MRPL3: variants seen among roughly 807,000 people sequenced by gnomAD.
MRPL3 encodes mitochondrial ribosomal protein L3.
A neutral mutation model predicts 44.3 loss-of-function variants in MRPL3; 43 were observed. That is an observed-to-expected ratio of 0.97 (90% CI 0.76 to 1.25). MRPL3 has a LOEUF of 1.25. Among genes scored for constraint, MRPL3 ranks in the 50% most tolerant of loss-of-function variants. MRPL3 has a pLI of 0.00. For missense variants in MRPL3, 406 were observed against 427.6 expected, an observed-to-expected ratio of 0.95 and a Z score of 0.45; for synonymous variants, 171 against 152.3, an observed-to-expected ratio of 1.12 and a Z score of -0.91.
At chr3:131,495,769 A>G (rs759890501) in intron 4 of MRPL3, among the ~76,000 whole-genome samples, 6 of 152,230 alleles carry the variant, frequency 3.9e-5, no homozygotes, top group Non-Finnish European at 7.3e-5. Flanking sequence ...GTAAAATAGA[A>G]TAAATTGAGC....
intron 4 of MRPL3, among the ~76,000 whole-genome samples, chr3:131,492,710 T>C (rs893094265): frequency 6.6e-6 from 1 of 152,056 alleles, no homozygotes; most frequent in Non-Finnish European, 1.5e-5. Flanking sequence ...CTGTTCTATG[T>C]AACAGCCTCC....
At chr3:131,499,552 A>G (rs889360294) in intron 3 of MRPL3, among the ~76,000 whole-genome samples, 12 of 149,030 alleles carry the variant, frequency 8.1e-5, no homozygotes, top group Admixed American at 6.6e-4. Flanking sequence ...TTCAGAGCCA[A>G]TAATAATTTG....
chr3:131,467,255 T>TAC (rs756101728), intron 9 of MRPL3, among the ~76,000 whole-genome samples: 4,060 of 129,780 alleles, frequency 0.031, 62 homozygotes, highest in South Asian at 0.058. Context: ...CACACACACA[T>TAC]ACACACACAC....
intron 6 of MRPL3, among the ~76,000 whole-genome samples, chr3:131,475,610 A>C (rs974709179): frequency 6.6e-6 from 1 of 152,252 alleles, no homozygotes; most frequent in African/African-American, 2.4e-5. Context: ...CTTCACATTA[A>C]GCCTGTGAAC....
intron 6 of MRPL3, among the ~76,000 whole-genome samples, chr3:131,482,214 C>G (rs893407772): frequency 6.6e-6 from 1 of 152,104 alleles, no homozygotes; most frequent in African/African-American, 2.4e-5. Flanking sequence ...CTCCACCCCC[C>G]TCCCCTTAAT....
At chr3:131,502,460 G>A (rs1934519497) in intron 1 of MRPL3, among the ~76,000 whole-genome samples, 1 of 152,206 alleles carries the variant, frequency 6.6e-6, no homozygotes, top group South Asian at 2.1e-4. Flanking sequence ...TTAGCAGAGC[G>A]CTTAGTACCT....
At chr3:131,494,560 TTACTATTCTAATAA>T (rs1198634755) in intron 4 of MRPL3, among the ~76,000 whole-genome samples, 21 of 152,330 alleles carry the variant, frequency 1.4e-4, no homozygotes, top group Non-Finnish European at 2.9e-4. Context: ...GGAAAATCCT[TTACTATTCTAATAA>T]TACAAAACAG....
chr3:131,469,842 A>C, intron 7 of MRPL3, 69 bp from the exon 8 acceptor site: 1 of 914,744 alleles, frequency 1.1e-6, no homozygotes, highest in Non-Finnish European at 1.7e-6. Flanking sequence ...TCAAACCACA[A>C]TGTAAACTAA....
At chr3:131,495,514 TAAATTAA>T (rs1339830009) in intron 4 of MRPL3, among the ~76,000 whole-genome samples, 1 of 152,180 alleles carries the variant, frequency 6.6e-6, no homozygotes, top group Non-Finnish European at 1.5e-5. Flanking sequence ...AAAGTTTACG[TAAATTAA>T]GTGGGTCAAA....
Position 131,462,540 on chromosome 3 carries a change from A to C in MRPL3, c.*183T>G, listed in dbSNP as rs1251880790. On this transcript the variant is annotated 3_prime_UTR_variant, in exon 10 of 10. Transcript: ENST00000264995. The stretch of plus-strand genomic sequence containing the variant: ...CCAATCTACTTAACTCATATATTTA[A>C]TGTGGTAATTTTTCTAACAAAATTT... 17 of 460,606 alleles carry C rather than the reference A, an allele frequency of 3.7e-5. No individual in the cohort carries two copies. Among genetic ancestry groups the C allele is most frequent in the Non-Finnish European group, 6.1e-5 (17 of 276,524 alleles). 28.5% of individuals were successfully genotyped at this position (460,606 alleles called of 1,614,324 possible). A position where few individuals can be genotyped will look rare whatever the true frequency, so the allele number is the denominator to read the frequency against.
chr3:131,492,503 C>T (rs1934280353), intron 4 of MRPL3, among the ~76,000 whole-genome samples: 1 of 152,166 alleles, frequency 6.6e-6, no homozygotes, highest in South Asian at 2.1e-4. Flanking sequence ...AAGGAGCATG[C>T]AACCTAGATC....
chr3:131,496,345 A>G (rs1934370626), intron 4 of MRPL3, among the ~76,000 whole-genome samples: 1 of 152,218 alleles, frequency 6.6e-6, no homozygotes, highest in Non-Finnish European at 1.5e-5. Flanking sequence ...TTTGTTAGTC[A>G]ATAAACTGTT....
At chr3:131,484,908 C>G (rs1934082739) in intron 6 of MRPL3, among the ~76,000 whole-genome samples, 1 of 152,312 alleles carries the variant, frequency 6.6e-6, no homozygotes, top group South Asian at 2.1e-4. Context: ...TGCACACACA[C>G]ATGCGAGGAA....
At chr3:131,471,959 G>A (rs184261028) in intron 6 of MRPL3, among the ~76,000 whole-genome samples, 1 of 152,248 alleles carries the variant, frequency 6.6e-6, no homozygotes, top group East Asian at 1.9e-4. Context: ...ACTATTAGTA[G>A]GTATGGAGGC....
intron 8 of MRPL3, 92 bp from the exon 9 acceptor site, chr3:131,468,260 A>G (rs1933666308): frequency 3.0e-6 from 2 of 668,418 alleles, no homozygotes; most frequent in Non-Finnish European, 5.1e-6. Context: ...TTGTAAAGTA[A>G]TAAAAGATTA....
chr3:131,490,216 ACCCAATT>A, intron 4 of MRPL3, 136 bp from the exon 5 acceptor site: 1 of 609,820 alleles, frequency 1.6e-6, no homozygotes, highest in Non-Finnish European at 2.9e-6. Context: ...AACAAAGGGC[ACCCAATT>A]CCCCTTATTT....
chr3:131,486,836 C>T (rs551283840), intron 6 of MRPL3, among the ~76,000 whole-genome samples: 3 of 152,254 alleles, frequency 2.0e-5, no homozygotes, highest in East Asian at 1.9e-4. Flanking sequence ...GAAATACAAA[C>T]GCTTTTACAC....
At position 131,462,571 on chromosome 3, in the gene MRPL3, G is replaced by A. The variant is rs2110691673; in HGVS notation, c.*152C>T. The A allele has an allele frequency of 1.7e-6, 1 of 585,106 alleles. No individual in the cohort carries two copies. The highest frequency in any genetic ancestry group is 2.7e-6 in the Non-Finnish European group (1 of 373,392). 36.2% of individuals were successfully genotyped at this position (585,106 alleles called of 1,614,324 possible). On this transcript the variant is annotated 3_prime_UTR_variant, in exon 10 of 10. Coordinates refer to ENST00000264995, the MANE Select transcript of MRPL3 (RefSeq NM_007208.4). The stretch of plus-strand genomic sequence containing the variant: ...TAATTTTTCTAACAAAATTTAATGG[G>A]GGTATGAATGATATATTTATGCCCT...
chr3:131,496,004 C>G (rs953359741), intron 4 of MRPL3, among the ~76,000 whole-genome samples: 1 of 152,204 alleles, frequency 6.6e-6, no homozygotes, highest in Non-Finnish European at 1.5e-5. Flanking sequence ...CTTGTTTTCT[C>G]ACTACCTCAT....
Sources: gnomAD v4.1 joint callset for allele counts (sites outside exome capture counted in the v4.1 genomes callset) on GRCh38, gnomAD v4.1.1 for gene constraint, MANE v1.5 for transcripts, NCBI Gene and HGNC (gene_info 2026-07-23, HGNC 2026-07-21) for gene names.